The following XIRP2 variants were observed in gnomAD, a reference collection of about 807,000 sequenced individuals.
XIRP2 encodes the protein xin actin-binding repeat-containing protein 2.
XIRP2 carries 236 observed loss-of-function variants against 277.0 expected under a neutral mutation model. The observed-to-expected ratio is 0.85, with a 90% CI of 0.77 to 0.95. The LOEUF is 0.95. Ranked by LOEUF, XIRP2 falls within the 40% of genes least tolerant of loss-of-function variation. XIRP2 has a pLI of 0.00. For missense variants in XIRP2, 4,640 were observed against 4,157.5 expected, an observed-to-expected ratio of 1.12 and a Z score of -3.19; for synonymous variants, 1,490 against 1,416.5, an observed-to-expected ratio of 1.05 and a Z score of -1.17.
At chr2:167,159,583 AC>A (rs1692303561) in intron 3 of XIRP2, among the ~76,000 whole-genome samples, 1 of 152,186 alleles carries the variant, frequency 6.6e-6, no homozygotes, top group Admixed American at 6.5e-5. Flanking sequence ...TGAATTTGGC[AC>A]CAGGTTGTTT....
intron 2 of XIRP2, among the ~76,000 whole-genome samples, chr2:166,904,658 T>C (rs1410536152): frequency 6.6e-6 from 1 of 152,168 alleles, no homozygotes; most frequent in Non-Finnish European, 1.5e-5. Context: ...TGGAATTACT[T>C]GAATTTATTT....
intron 2 of XIRP2, among the ~76,000 whole-genome samples, chr2:167,091,949 T>C (rs1055091032): frequency 5.3e-5 from 8 of 152,278 alleles, no homozygotes; most frequent in African/African-American, 1.7e-4. Flanking sequence ...CTTTTGATGA[T>C]ATCAGCAGCG....
At chr2:166,936,421 A>T (rs1170436453) in intron 2 of XIRP2, among the ~76,000 whole-genome samples, 4 of 152,088 alleles carry the variant, frequency 2.6e-5, no homozygotes, top group Non-Finnish European at 5.9e-5. Context: ...GTTTAATTAG[A>T]TCCCATTTGT....
At position 167,258,260 on chromosome 2, in the gene XIRP2, TC is replaced by T; in HGVS notation, c.*447del. ...GCCACCTGAAATGACAACCCTGCTA[TC>T]CCCTGAATTTAAAAGTGAATCTCTG... On this transcript the variant is annotated 3_prime_UTR_variant, in exon 11 of 11. Coordinates refer to ENST00000409195, the MANE Select transcript of XIRP2 (RefSeq NM_152381.6). 6.2e-7 allele frequency: 1 copy of T among 1,613,296 alleles called. No individual in the cohort carries two copies. The highest frequency in any genetic ancestry group is 8.5e-7 in the Non-Finnish European group (1 of 1,179,630).
chr2:166,940,207 C>T (rs1685664908), intron 2 of XIRP2, among the ~76,000 whole-genome samples: 1 of 152,194 alleles, frequency 6.6e-6, no homozygotes, highest in Non-Finnish European at 1.5e-5. Flanking sequence ...GATCTTCAAT[C>T]ACTGATACCC....
At chr2:167,206,554 A>G (rs1255080273) in intron 3 of XIRP2, among the ~76,000 whole-genome samples, 2 of 152,212 alleles carry the variant, frequency 1.3e-5, no homozygotes, top group African/African-American at 4.8e-5. Flanking sequence ...CGTGGCTCAT[A>G]TCAGCCTCAC....
rs192168808 is a variant in XIRP2 at position 166,983,173 on chromosome 2, G to A, written c.408+79283G>A. Among the ~76,000 whole-genome samples, 81 of 152,102 alleles carry A rather than the reference G, an allele frequency of 5.3e-4. No homozygotes were observed. The East Asian group carries it at 0.014, about 27-fold the overall frequency. On this transcript the variant is annotated intron_variant, in intron 2 of 10. Coordinates refer to ENST00000409195, the MANE Select transcript of XIRP2 (RefSeq NM_152381.6). Reference sequence around the variant, plus strand: ...GGTTTTTAAAAAGTTTTTTTCATCTGTATTGTATAATCCTATTGATCTATC... The same window carrying A: ...GGTTTTTAAAAAGTTTTTTTCATCTATATTGTATAATCCTATTGATCTATC...
chr2:167,251,483 TACA>T lies in XIRP2; in HGVS notation c.10096_10098del (p.Gln3366del), dbSNP rs769713952. The T allele has an allele frequency of 7.1e-5, 115 of 1,613,386 alleles. No homozygotes were observed. The highest frequency in any genetic ancestry group is 9.5e-5 in the Non-Finnish European group (112 of 1,179,640). ...GCAAAGGGAGAAACAAACCATAACA[TACA>T]ACAAGAAAGTCGTACATTTTGTAAG... On this transcript the variant is annotated inframe_deletion, in exon 9 of 11. Transcript: ENST00000409195.
chr2:167,022,877 C>G (rs1218949131), intron 2 of XIRP2, among the ~76,000 whole-genome samples: 1 of 152,010 alleles, frequency 6.6e-6, no homozygotes, highest in African/African-American at 2.4e-5. Context: ...GGGTTGGTTC[C>G]AAGTCTTTGC....
In XIRP2 at chr2:167,243,817, A is replaced by G; in HGVS notation, c.2425A>G (p.Lys809Glu). Reference sequence around the variant, plus strand: ...TGTCAAAGGTGGGGTGAGTAAGGCAAAGTGGTTATTTGAAACCCAACCTTT... The same window carrying G: ...TGTCAAAGGTGGGGTGAGTAAGGCAGAGTGGTTATTTGAAACCCAACCTTT... ...ENVKGGVSKA[K>E]WLFETQPLEK... The change falls in exon 9 of 11, where the codon AAG becomes GAG. Residue 809 changes from lysine to glutamate, a missense_variant. Transcript: ENST00000409195. 2 of 1,614,066 alleles carry G rather than the reference A, an allele frequency of 1.2e-6. No homozygotes were observed. The highest frequency in any genetic ancestry group is 1.7e-6 in the Non-Finnish European group (2 of 1,179,976).
chr2:167,249,290 C>G lies in XIRP2; in HGVS notation c.7898C>G (p.Ser2633Trp). The G allele has an allele frequency of 1.2e-6, 2 of 1,613,732 alleles. No individual in the cohort carries two copies. Among genetic ancestry groups the G allele is most frequent in the South Asian group, 1.1e-5 (1 of 91,074 alleles). The change falls in exon 9 of 11, where the codon TCG becomes TGG. Residue 2633 changes from serine (S) to tryptophan (W), a missense_variant. Transcript: ENST00000409195. ...VCSDNQLSTTSPETVAAKRLH... is the reference protein window; with the variant it reads ...VCSDNQLSTTWPETVAAKRLH... ...TCTGATAACCAACTCTCCACAACAT[C>G]GCCAGAAACAGTCGCTGCCAAGAGG...
Position 167,243,911 on chromosome 2 carries a change from GA to G in XIRP2, c.2522del (p.Lys841SerfsTer10). On this transcript the variant is annotated frameshift_variant, in exon 9 of 11. Transcript: ENST00000409195. LOFTEE classifies it high-confidence loss of function. ...KEKIIGTDVS[R>X]KCWMFETQPL... ...AAAATAATAGGTACAGATGTCTCCA[GA>G]AAGTGTTGGATGTTTGAAACCCAGC... The G allele has an allele frequency of 3.7e-6, 6 of 1,614,020 alleles. No individual in the cohort carries two copies. The highest frequency in any genetic ancestry group is 5.1e-6 in the Non-Finnish European group (6 of 1,179,950).
chr2:167,073,011 C>T (rs375568624), intron 2 of XIRP2, among the ~76,000 whole-genome samples: 2 of 152,096 alleles, frequency 1.3e-5, no homozygotes, highest in African/African-American at 4.8e-5. Context: ...AACTATGATA[C>T]AACCATGATA....
chr2:167,152,519 G>C (rs1407507465), intron 3 of XIRP2, among the ~76,000 whole-genome samples: 1 of 151,976 alleles, frequency 6.6e-6, no homozygotes, highest in Non-Finnish European at 1.5e-5. Context: ...TGCTTTACTC[G>C]TTTTAATATG....
chr2:167,094,839 T>C (rs1690251749), intron 2 of XIRP2, among the ~76,000 whole-genome samples: 1 of 152,198 alleles, frequency 6.6e-6, no homozygotes. Context: ...AGTAGTTTTT[T>C]CTAATTCTGT....
chr2:167,033,108 C>T (rs985880860), intron 2 of XIRP2, among the ~76,000 whole-genome samples: 1 of 150,182 alleles, frequency 6.7e-6, no homozygotes. Flanking sequence ...GGAATACTAT[C>T]CTATAAAAAA....
intron 2 of XIRP2, among the ~76,000 whole-genome samples, chr2:167,106,061 G>A (rs576590013): frequency 3.2e-4 from 48 of 150,752 alleles, no homozygotes; most frequent in East Asian, 2.0e-4. Flanking sequence ...TTATTTGTAC[G>A]TTCCAGATAC....
chr2:167,241,779 A>G lies in XIRP2; in HGVS notation c.1045A>G (p.Ile349Val). Residue 349 changes from isoleucine to valine, a missense_variant and splice_region_variant, in exon 8 of 11, where the codon ATT becomes GTT. Physicochemically the swap from Ile to Val is conservative, Grantham distance 29 (BLOSUM62 3). Transcript: ENST00000409195. ...CTGGTGTGTTTTTCTGTTTGTAGTC[A>G]TTGATACACCTGAGGATGAAGAGAT... is the stretch of plus-strand genomic sequence containing the variant. ...QFHQYVQETVIDTPEDEEIPK... is the reference protein window; with the variant it reads ...QFHQYVQETVVDTPEDEEIPK... The G allele has an allele frequency of 1.2e-6, 2 of 1,604,086 alleles. No individual in the cohort carries two copies. Among genetic ancestry groups the G allele is most frequent in the Non-Finnish European group, 1.7e-6 (2 of 1,176,496 alleles).
chr2:167,248,642 G>A lies in XIRP2; in HGVS notation c.7250G>A (p.Gly2417Asp), dbSNP rs1247819805. 6.2e-7 allele frequency: 1 copy of A among 1,613,656 alleles called. No homozygotes were observed. Among genetic ancestry groups the A allele is most frequent in the Admixed American group, 1.7e-5 (1 of 59,956 alleles). Residue 2417 changes from glycine (G) to aspartate (D), a missense_variant, in exon 9 of 11, where the codon GGT (glycine) becomes GAT (aspartate). Gly to Asp is a moderately conservative substitution (Grantham distance 94). Transcript: ENST00000409195. ...SQAKIITGKT[G>D]VLPPPTLPKP... is the part of the protein sequence containing the mutation. ...GCTAAAATCATAACAGGAAAAACCG[G>A]TGTGTTGCCACCTCCCACATTGCCC...
Sources: gnomAD v4.1 joint callset for allele counts (sites outside exome capture counted in the v4.1 genomes callset) on GRCh38, gnomAD v4.1.1 for gene constraint, MANE v1.5 for transcripts, NCBI Gene and HGNC (gene_info 2026-07-23, HGNC 2026-07-21) for gene names.